The following AK8 variants were observed in gnomAD, a reference collection of about 807,000 sequenced individuals.
The protein encoded by AK8 is adenylate kinase 8, also known as ATP-AMP transphosphorylase 8.
Under a neutral mutation model 54.6 loss-of-function variants are expected in AK8, and 44 were observed. That is an observed-to-expected ratio of 0.81 (90% CI 0.63 to 1.04). The LOEUF (loss-of-function observed/expected upper bound fraction) is 1.04, where lower values mean the gene tolerates loss of function less well. Ranked by LOEUF, AK8 falls within the 50% of genes least tolerant of loss-of-function variation. The pLI, the probability that AK8 is intolerant of heterozygous loss-of-function variation, is 0.00. For missense variants in AK8, 555 were observed against 613.6 expected, an observed-to-expected ratio of 0.90 and a Z score of 1.01; for synonymous variants, 239 against 245.6, an observed-to-expected ratio of 0.97 and a Z score of 0.25.
intron 6 of AK8, 138 bp downstream of exon 6, chr9:132,828,507 T>C (rs1026776514): frequency 2.9e-6 from 2 of 694,402 alleles, no homozygotes; most frequent in East Asian, 2.8e-5. Flanking sequence ...AAAAATTCAG[T>C]TGTGCTGTCC....
intron 4 of AK8, chr9:132,861,587 C>G (rs1027766944): frequency 6.6e-6 from 1 of 152,200 alleles, no homozygotes; most frequent in Non-Finnish European, 1.5e-5. Context: ...TCAGAAACCA[C>G]TGGGAAATGC....
At chr9:132,872,846 CT>C (rs753016613) in intron 2 of AK8, among the ~76,000 whole-genome samples, 1 of 152,232 alleles carries the variant, frequency 6.6e-6, no homozygotes, top group African/African-American at 2.4e-5. Context: ...GAGTCTCGCT[CT>C]TTCGCCCAGG....
intron 11 of AK8, 69 bp from the exon 12 acceptor site, chr9:132,727,603 G>A (rs1006540002): frequency 6.9e-7 from 1 of 1,459,696 alleles, no homozygotes; most frequent in Non-Finnish European, 9.5e-7. Flanking sequence ...TGACATCCTG[G>A]GGTCTTGAGA....
intron 11 of AK8, among the ~76,000 whole-genome samples, chr9:132,749,980 C>CTTGGAGATA (rs2131009456): frequency 1.3e-5 from 2 of 150,550 alleles, no homozygotes; most frequent in Middle Eastern, 3.4e-3. Flanking sequence ...ACAGCACACT[C>CTTGGAGATA]CTAGAGATAC....
intron 5 of AK8, among the ~76,000 whole-genome samples, chr9:132,847,306 C>G (rs1258671596): frequency 1.3e-5 from 2 of 152,352 alleles, no homozygotes; most frequent in East Asian, 3.9e-4. Flanking sequence ...CTGACTAAGA[C>G]AGACCGTGGC....
intron 11 of AK8, among the ~76,000 whole-genome samples, chr9:132,732,145 T>C (rs1234465273): frequency 1.4e-5 from 1 of 69,350 alleles, no homozygotes; most frequent in South Asian, 6.0e-4. Flanking sequence ...GTGGTGTTTT[T>C]AATATCTCAA....
rs768297504 is a variant in AK8, at chr9:132,739,441, C to CAAAAAAAAAAAAAAAAAAAAAAAAAAAA, written c.1122-11935_1122-11908dup. Among the ~76,000 whole-genome samples the CAAAAAAAAAAAAAAAAAAAAAAAAAAAA allele has an allele frequency of 6.4e-5, 2 of 31,142 alleles. 1 individual carries two copies. Among genetic ancestry groups the CAAAAAAAAAAAAAAAAAAAAAAAAAAAA allele is most frequent in the African/African-American group, 2.9e-4 (2 of 6,894 alleles). The allele number at this position is 31,142 out of a possible 152,430, so 20.4% of individuals were successfully genotyped here. A position where few individuals can be genotyped will look rare whatever the true frequency, so the allele number is the denominator to read the frequency against. On this transcript the variant is annotated intron_variant, in intron 11 of 12. Coordinates refer to ENST00000298545, the MANE Select transcript of AK8 (RefSeq NM_152572.3). ...TGGGCAACAGAGAGTGACTCTGTCT[C>CAAAAAAAAAAAAAAAAAAAAAAAAAAAA]AAAAAAAAAAAAAAAAAAAAAAAAA...
intron 5 of AK8, among the ~76,000 whole-genome samples, chr9:132,839,710 G>A (rs1310853030): frequency 2.0e-5 from 3 of 151,792 alleles, no homozygotes. Context: ...TGAACAGAAT[G>A]CAGATTGAGG....
intron 5 of AK8, among the ~76,000 whole-genome samples, chr9:132,854,243 TAAAAA>T (rs1376700307): frequency 6.6e-6 from 1 of 152,006 alleles, no homozygotes; most frequent in South Asian, 2.1e-4. Context: ...TAAAATAAAA[TAAAAA>T]GAGAAAAGTA....
chr9:132,817,124 C>T (rs752166994), intron 9 of AK8, among the ~76,000 whole-genome samples: 1 of 152,192 alleles, frequency 6.6e-6, no homozygotes, highest in Non-Finnish European at 1.5e-5. Flanking sequence ...ACACCCCGGA[C>T]ATTCAGCTGA....
At position 132,834,193 on chromosome 9, in the gene AK8, C is replaced by T. The variant is rs73660279; in HGVS notation, c.403-5467G>A. 9.3e-3 allele frequency among the ~76,000 whole-genome samples: 1,417 copies of T among 152,292 alleles called. 21 individuals are homozygous for T. Among genetic ancestry groups the T allele is most frequent in the African/African-American group, 0.032 (1,324 of 41,554 alleles). On this transcript the variant is annotated intron_variant, in intron 5 of 12. Coordinates refer to ENST00000298545, the MANE Select transcript of AK8 (RefSeq NM_152572.3). ...GGCTGAACGCGGCCTAATGTGGTTTCCCAACATAGAGGAGAGAGATTCTGT... is the reference window on the plus strand; with the variant it reads ...GGCTGAACGCGGCCTAATGTGGTTTTCCAACATAGAGGAGAGAGATTCTGT...
intron 5 of AK8, among the ~76,000 whole-genome samples, chr9:132,854,018 T>C (rs889125567): frequency 4.0e-5 from 6 of 151,864 alleles, no homozygotes; most frequent in African/African-American, 1.2e-4. Context: ...CTGGGCAACA[T>C]AGTGAAACTC....
In AK8 at chr9:132,803,626, G is replaced by A. The variant is rs1840571712; in HGVS notation, c.980-10851C>T. On this transcript the variant is annotated intron_variant, in intron 10 of 12. Coordinates refer to ENST00000298545, the MANE Select transcript of AK8 (RefSeq NM_152572.3). The surrounding 1 kb of genome is among the most constrained non-coding windows in gnomAD (Gnocchi z 4.4). ...GCCTTACAGATGGGAAAACTGAAGG[G>A]AGCTCTGAGGGGGCGCATGGCTTGC... Among the ~76,000 whole-genome samples, 2 of 152,176 alleles carry A rather than the reference G, an allele frequency of 1.3e-5. No individual in the cohort carries two copies. The highest frequency in any genetic ancestry group is 2.1e-4 in the South Asian group (1 of 4,828).
chr9:132,800,279 GC>G (rs1840380424), intron 10 of AK8, among the ~76,000 whole-genome samples: 1 of 152,196 alleles, frequency 6.6e-6, no homozygotes, highest in African/African-American at 2.4e-5. Context: ...CCAGGACCTG[GC>G]GCCAGGTGTT....
At chr9:132,797,563 G>C (rs1840232060) in intron 10 of AK8, among the ~76,000 whole-genome samples, 1 of 151,432 alleles carries the variant, frequency 6.6e-6, no homozygotes, top group Non-Finnish European at 1.5e-5. Flanking sequence ...GTTGGGAGGG[G>C]TCTCTGGGGT....
chr9:132,735,585 T>C (rs1409827693), intron 11 of AK8, among the ~76,000 whole-genome samples: 1 of 152,084 alleles, frequency 6.6e-6, no homozygotes, highest in Non-Finnish European at 1.5e-5. Context: ...AAGTGTTGGC[T>C]AGACTGTAGA....
At chr9:132,756,189 C>G (rs140125371) in intron 11 of AK8, among the ~76,000 whole-genome samples, 193 of 152,344 alleles carry the variant, frequency 1.3e-3, no homozygotes, top group African/African-American at 4.4e-3. Flanking sequence ...ATTCCACTTC[C>G]CTTTGTTTTC....
At chr9:132,736,238 G>C (rs1473829005) in intron 11 of AK8, among the ~76,000 whole-genome samples, 1 of 148,996 alleles carries the variant, frequency 6.7e-6, no homozygotes, top group Non-Finnish European at 1.5e-5. Flanking sequence ...CTAGTCTGGA[G>C]TGGAATGGCG....
chr9:132,731,437 G>T (rs1329182480), intron 11 of AK8, among the ~76,000 whole-genome samples: 1 of 152,144 alleles, frequency 6.6e-6, no homozygotes, highest in African/African-American at 2.4e-5. Flanking sequence ...AGGGTGGGTG[G>T]GGAAGCCCTG....
Sources: gnomAD v4.1 joint callset for allele counts (sites outside exome capture counted in the v4.1 genomes callset) on GRCh38, gnomAD v4.1.1 for gene constraint, Gnocchi (gnomAD v3.1) non-coding constraint, MANE v1.5 for transcripts, NCBI Gene and HGNC (gene_info 2026-07-23, HGNC 2026-07-21) for gene names.